Variants in KAZN observed in about 807,000 individuals in gnomAD.
The protein encoded by KAZN is kazrin.
KAZN carries 40 observed loss-of-function variants against 87.4 expected under a neutral mutation model. The ratio of observed to expected loss-of-function variants is 0.46; its 90% confidence interval spans 0.36 to 0.60. The LOEUF (loss-of-function observed/expected upper bound fraction) is 0.60. KAZN is among the 20% of genes least tolerant of loss of function. The pLI is 0.00. For missense variants in KAZN, 898 were observed against 1,073.9 expected (o/e 0.84, Z 2.29); for synonymous variants, 466 against 458.3 (o/e 1.02, Z -0.22).
At chr1:14,841,186 G>A (rs1438969939) in intron 1 of KAZN, among the ~76,000 whole-genome samples, 1 of 151,884 alleles carries the variant, frequency 6.6e-6, no homozygotes, top group South Asian at 2.1e-4. Flanking sequence ...GGGAGGCCAA[G>A]GCGGGTGGAT....
At chr1:14,744,506 G>A (rs1288465730) in intron 1 of KAZN, among the ~76,000 whole-genome samples, 5 of 152,034 alleles carry the variant, frequency 3.3e-5, no homozygotes, top group Admixed American at 3.3e-4. Flanking sequence ...AGGTAGGACA[G>A]TCACTTGAGG....
intron 1 of KAZN, among the ~76,000 whole-genome samples, chr1:14,671,654 G>C (rs1362272333): frequency 1.3e-5 from 2 of 151,952 alleles, no homozygotes. Flanking sequence ...TTTTTTTAAA[G>C]GACTGTTTGA....
chr1:14,891,069 C>T (rs1654666073), intron 1 of KAZN, among the ~76,000 whole-genome samples: 2 of 151,744 alleles, frequency 1.3e-5, no homozygotes, highest in Non-Finnish European at 1.5e-5. Flanking sequence ...TGGTCTCGAT[C>T]TCCTGACCTC....
intron 2 of KAZN, among the ~76,000 whole-genome samples, chr1:14,546,810 G>A (rs960872726): frequency 6.6e-6 from 1 of 152,100 alleles, no homozygotes; most frequent in Admixed American, 6.5e-5. Context: ...CAACTTTGGG[G>A]AATTTTTTTT....
At chr1:14,664,951 G>A (rs138084986) in intron 1 of KAZN, among the ~76,000 whole-genome samples, 119 of 152,242 alleles carry the variant, frequency 7.8e-4, no homozygotes, top group Middle Eastern at 3.4e-3. Flanking sequence ...CACCGCACCC[G>A]GCTGGATCCA....
intron 2 of KAZN, among the ~76,000 whole-genome samples, chr1:14,327,193 A>T (rs1656496753): frequency 6.6e-6 from 1 of 152,214 alleles, no homozygotes; most frequent in Admixed American, 6.5e-5. Context: ...TTTTCTTTTT[A>T]TAAGTTAGAG....
intron 2 of KAZN, among the ~76,000 whole-genome samples, chr1:14,317,151 G>A (rs531024266): frequency 4.6e-5 from 7 of 151,808 alleles, no homozygotes; most frequent in South Asian, 2.1e-4. Flanking sequence ...CACTACTTGC[G>A]GATATGTGAC....
chr1:14,439,874 C>G (rs1343173233), intron 2 of KAZN, among the ~76,000 whole-genome samples: 1 of 152,188 alleles, frequency 6.6e-6, no homozygotes, highest in Admixed American at 6.5e-5. Context: ...ACTCTGTTGT[C>G]TGCTCCTTCT....
chr1:14,354,685 C>A (rs919829685), intron 2 of KAZN, among the ~76,000 whole-genome samples: 5 of 145,238 alleles, frequency 3.4e-5, no homozygotes, highest in Admixed American at 2.0e-4. Context: ...CACACACACA[C>A]ACAAACAAAC....
intron 2 of KAZN, among the ~76,000 whole-genome samples, chr1:14,504,486 G>A (rs781180274): frequency 2.0e-5 from 3 of 152,300 alleles, no homozygotes; most frequent in Middle Eastern, 6.8e-3. Context: ...GCGAGTTCTC[G>A]TCGGCAAACT....
At chr1:14,794,463 C>T (rs985506572) in intron 1 of KAZN, among the ~76,000 whole-genome samples, 3 of 152,212 alleles carry the variant, frequency 2.0e-5, no homozygotes, top group African/African-American at 7.2e-5. Context: ...GTTGCCTCCC[C>T]TACTAAATGG....
intron 1 of KAZN, among the ~76,000 whole-genome samples, chr1:14,125,560 C>T (rs1644846022): frequency 6.6e-6 from 1 of 152,134 alleles, no homozygotes; most frequent in Non-Finnish European, 1.5e-5. Flanking sequence ...GACTCTGCCA[C>T]AGGGAAAGCC....
rs1238920453 is a variant in KAZN at position 15,067,132 on chromosome 1, G to A, written c.1222+1379G>A. 3.0e-6 allele frequency: 3 copies of A among 985,674 alleles called. No homozygotes were observed. The East Asian group carries it at 3.4e-4, about 112-fold the overall frequency. The allele number at this position is 985,674 out of a possible 1,614,324, so 61.1% of individuals were successfully genotyped here. On this transcript the variant is annotated intron_variant, in intron 8 of 14. Transcript: ENST00000376030. ...CTGTGTCTTTCTTGTCCTGGGTTTA[G>A]GATGCAGGTGGGCCAGGCAGGTGTT... is the stretch of plus-strand genomic sequence containing the variant.
At chr1:14,595,827 A>G (rs1007091970), upstream of KAZN, among the ~76,000 whole-genome samples, 11 of 152,074 alleles carry the variant, frequency 7.2e-5, no homozygotes, top group Admixed American at 2.0e-4. Context: ...GAACATAAGG[A>G]CACACAACTG....
chr1:14,104,666 C>G (rs1644330164), intron 1 of KAZN, among the ~76,000 whole-genome samples: 1 of 152,192 alleles, frequency 6.6e-6, no homozygotes, highest in African/African-American at 2.4e-5. Flanking sequence ...ACTTCTGCAA[C>G]AGGTTAAAAT....
chr1:14,247,117 G>A (rs1649587012), intron 2 of KAZN, among the ~76,000 whole-genome samples: 1 of 152,016 alleles, frequency 6.6e-6, no homozygotes, highest in South Asian at 2.1e-4. Flanking sequence ...AGTAGATAAG[G>A]AACATTTCTT....
intron 1 of KAZN, among the ~76,000 whole-genome samples, chr1:13,955,893 C>T (rs1279969918): frequency 6.6e-6 from 1 of 152,182 alleles, no homozygotes; most frequent in Non-Finnish European, 1.5e-5. Flanking sequence ...GCCATCTTCT[C>T]CAGAGGGTTA....
chr1:14,736,257 GTGTGTGTGT>G (rs1557437549), intron 1 of KAZN, among the ~76,000 whole-genome samples: 81 of 99,580 alleles, frequency 8.1e-4, no homozygotes, highest in Middle Eastern at 6.0e-3. Flanking sequence ...ACTCAAGGGT[GTGTGTGTGT>G]GTGTGTGTGT....
chr1:15,024,772 T>G (rs979375421), intron 2 of KAZN, among the ~76,000 whole-genome samples: 1 of 152,218 alleles, frequency 6.6e-6, no homozygotes, highest in Non-Finnish European at 1.5e-5. Context: ...GCACTCTGGA[T>G]TAGCAGAAAC....
Sources: gnomAD v4.1 joint callset for allele counts (sites outside exome capture counted in the v4.1 genomes callset) on GRCh38, gnomAD v4.1.1 for gene constraint, MANE v1.5 for transcripts, NCBI Gene and HGNC (gene_info 2026-07-23, HGNC 2026-07-21) for gene names.